CLYBL: variants seen among roughly 807,000 people sequenced by gnomAD.
The protein encoded by CLYBL is citramalyl-CoA lyase, mitochondrial.
CLYBL carries 31 observed loss-of-function variants against 38.9 expected under a neutral mutation model. The ratio of observed to expected loss-of-function variants is 0.80; its 90% CI spans 0.60 to 1.08. The LOEUF (loss-of-function observed/expected upper bound fraction) is 1.08, where lower values mean the gene tolerates loss of function less well. CLYBL is among the 50% of genes least tolerant of loss of function. The pLI, the probability that CLYBL is intolerant of heterozygous loss-of-function variation, is 0.00. For missense variants in CLYBL, 434 were observed against 411.6 expected, an observed-to-expected ratio of 1.05 and a Z score of -0.47; for synonymous variants, 171 against 158.6, an observed-to-expected ratio of 1.08 and a Z score of -0.59.
intron 2 of CLYBL, among the ~76,000 whole-genome samples, chr13:99,823,000 A>G (rs2050616307): frequency 6.6e-6 from 1 of 152,180 alleles, no homozygotes. Context: ...TCCAACATAA[A>G]TATATTTTGG....
At chr13:99,816,588 C>T (rs1244475665) in intron 2 of CLYBL, among the ~76,000 whole-genome samples, 1 of 152,230 alleles carries the variant, frequency 6.6e-6, no homozygotes, top group African/African-American at 2.4e-5. Flanking sequence ...GTGATTAGGT[C>T]ATGAGATGGA....
At chr13:99,646,865 A>G (rs1800787030) in intron 1 of CLYBL, among the ~76,000 whole-genome samples, 1 of 152,060 alleles carries the variant, frequency 6.6e-6, no homozygotes, top group Non-Finnish European at 1.5e-5. Context: ...TACAAAGGCA[A>G]GCATACCCTA....
At chr13:99,811,005 C>T (rs1398425782) in intron 2 of CLYBL, among the ~76,000 whole-genome samples, 1 of 152,152 alleles carries the variant, frequency 6.6e-6, no homozygotes, top group African/African-American at 2.4e-5. Flanking sequence ...AGGAGAGCCA[C>T]GTTCCGGTTC....
At position 99,845,345 on chromosome 13, in the gene CLYBL, G is replaced by A. The variant is rs925161530; in HGVS notation, c.250-13516G>A. Among the ~76,000 whole-genome samples the A allele has an allele frequency of 1.3e-5, 2 of 152,162 alleles. 1 individual carries two copies. Among genetic ancestry groups the A allele is most frequent in the East Asian group, 3.9e-4 (2 of 5,194 alleles). On this transcript the variant is annotated intron_variant, in intron 2 of 8. Transcript: ENST00000339105. Reference sequence around the variant, plus strand: ...CCAAAACATGGCAGTGTTGCAGGGCGCCTGGCTCAACGGCACGGGAAATTA... The same window carrying A: ...CCAAAACATGGCAGTGTTGCAGGGCACCTGGCTCAACGGCACGGGAAATTA...
At chr13:99,828,877 A>T (rs1428279095) in intron 2 of CLYBL, among the ~76,000 whole-genome samples, 1 of 152,100 alleles carries the variant, frequency 6.6e-6, no homozygotes, top group Non-Finnish European at 1.5e-5. Context: ...GTGTCCAAAA[A>T]TTGGCTTTGT....
chr13:99,786,893 G>C (rs1476215378), intron 2 of CLYBL, among the ~76,000 whole-genome samples: 1 of 151,432 alleles, frequency 6.6e-6, no homozygotes. Flanking sequence ...TTTAATGATC[G>C]CCATTCTAAC....
At chr13:99,690,156 A>T (rs1190730562) in intron 1 of CLYBL, 1 of 152,090 alleles carries the variant, frequency 6.6e-6, no homozygotes, top group Non-Finnish European at 1.5e-5. Flanking sequence ...TTCTTGCGGG[A>T]AGGGAAAGTC....
chr13:99,638,353 G>C (rs11843710), intron 1 of CLYBL, among the ~76,000 whole-genome samples: 22 of 152,148 alleles, frequency 1.4e-4, no homozygotes, highest in African/African-American at 5.3e-4. Context: ...ATTCAGATGG[G>C]CTTCTCTTTT....
At chr13:99,714,983 G>A (rs376859239) in intron 1 of CLYBL, among the ~76,000 whole-genome samples, 4 of 152,008 alleles carry the variant, frequency 2.6e-5, no homozygotes, top group African/African-American at 7.2e-5. Flanking sequence ...AAGGAGGAAC[G>A]TAACCATCAA....
intron 1 of CLYBL, among the ~76,000 whole-genome samples, chr13:99,635,070 G>T (rs532593217): frequency 1.3e-4 from 20 of 152,126 alleles, no homozygotes; most frequent in Non-Finnish European, 2.6e-4. Flanking sequence ...GGGTGCCAGG[G>T]CTGGTTCTGC....
At chr13:99,708,819 C>T (rs983705308) in intron 1 of CLYBL, among the ~76,000 whole-genome samples, 11 of 152,112 alleles carry the variant, frequency 7.2e-5, no homozygotes, top group Admixed American at 3.9e-4. Flanking sequence ...TTAGGCTGGG[C>T]ATGGTGGCTC....
At chr13:99,628,746 CA>C (rs1440088732) in intron 1 of CLYBL, among the ~76,000 whole-genome samples, 4 of 152,146 alleles carry the variant, frequency 2.6e-5, no homozygotes, top group African/African-American at 9.7e-5. Flanking sequence ...ATCAGAATCA[CA>C]AATGGGCCTT....
At chr13:99,707,366 T>C (rs1230708447) in intron 1 of CLYBL, among the ~76,000 whole-genome samples, 1 of 151,740 alleles carries the variant, frequency 6.6e-6, no homozygotes, top group African/African-American at 2.4e-5. Flanking sequence ...GCCTCCCGGG[T>C]TCAAGCAATT....
chr13:99,864,752 C>T (rs1343646091), intron 4 of CLYBL, 66 bp from the exon 5 acceptor site: 2 of 1,074,980 alleles, frequency 1.9e-6, no homozygotes, highest in Non-Finnish European at 2.9e-6. Context: ...TACTGAAATG[C>T]ACCGTGCCTC....
intron 1 of CLYBL, among the ~76,000 whole-genome samples, chr13:99,716,787 CTTTTTTT>C (rs1260332084): frequency 2.0e-5 from 2 of 100,918 alleles, no homozygotes; most frequent in African/African-American, 7.6e-5. Context: ...CTTTTCTTTT[CTTTTTTT>C]TTTTTTTTTT....
chr13:99,806,619 C>T (rs2050237191), intron 2 of CLYBL, among the ~76,000 whole-genome samples: 1 of 152,176 alleles, frequency 6.6e-6, no homozygotes, highest in Admixed American at 6.5e-5. Context: ...ACCATAGTAC[C>T]TACTTCATTA....
chr13:99,659,907 T>G lies in CLYBL; in HGVS notation c.62+53150T>G, dbSNP rs565108461. ...TGGGTGGCGTTAGCAGTCTCTCTTC[T>G]GTGAACCAGGGGGCGATTTCTGGGC... On this transcript the variant is annotated intron_variant, in intron 1 of 8. Transcript: ENST00000339105. Among the ~76,000 whole-genome samples, 3 of 152,324 alleles carry G rather than the reference T, an allele frequency of 2.0e-5. No homozygotes were observed. In the South Asian group the frequency reaches 6.2e-4, roughly 32 times the overall value.
intron 1 of CLYBL, among the ~76,000 whole-genome samples, chr13:99,721,661 A>G (rs369432223): frequency 1.7e-4 from 21 of 121,426 alleles, no homozygotes; most frequent in East Asian, 8.1e-4. Context: ...ATCGTGTCCT[A>G]TTCTTTCAAT....
intron 1 of CLYBL, among the ~76,000 whole-genome samples, chr13:99,679,824 C>A (rs1485558214): frequency 6.6e-6 from 1 of 151,964 alleles, no homozygotes; most frequent in Non-Finnish European, 1.5e-5. Context: ...CCACAGCTGC[C>A]CTCAGATTTC....
Sources: allele counts gnomAD v4.1 joint callset (sites outside exome capture counted in the v4.1 genomes callset), GRCh38; gene constraint gnomAD v4.1.1; transcripts MANE v1.5; gene names NCBI Gene and HGNC (gene_info 2026-07-23, HGNC 2026-07-21).